The following NRXN1 variants were observed in gnomAD, a reference collection of about 807,000 sequenced individuals.
The protein encoded by NRXN1 is neurexin 1, also known as neurexin-1.
NRXN1 carries 39 observed loss-of-function variants against 150.9 expected under a neutral mutation model. The observed-to-expected ratio is 0.26, with a 90% CI of 0.20 to 0.34. The LOEUF (loss-of-function observed/expected upper bound fraction) is 0.34, where lower values mean the gene tolerates loss of function less well. Ranked by LOEUF, NRXN1 falls within the 10% of genes least tolerant of loss-of-function variation. NRXN1 has a pLI of 1.00. For missense variants in NRXN1, 1,815 were observed against 1,949.9 expected (o/e 0.93, Z 1.30); for synonymous variants, 924 against 757.0 (o/e 1.22, Z -3.62).
At chr2:49,958,796 A>T (rs1675421059) in intron 21 of NRXN1, among the ~76,000 whole-genome samples, 1 of 152,158 alleles carries the variant, frequency 6.6e-6, no homozygotes, top group East Asian at 1.9e-4. Context: ...ATGAAAGCTC[A>T]ATCTAGCTTT....
chr2:49,989,684 G>T (rs1438796498), intron 21 of NRXN1, among the ~76,000 whole-genome samples: 1 of 152,150 alleles, frequency 6.6e-6, no homozygotes, highest in Non-Finnish European at 1.5e-5. Context: ...TTCTGTACTG[G>T]ATGCTGCCAG....
intron 21 of NRXN1, among the ~76,000 whole-genome samples, chr2:49,989,691 C>A (rs1032260152): frequency 5.9e-5 from 9 of 151,990 alleles, no homozygotes; most frequent in African/African-American, 2.2e-4. Context: ...CTGGATGCTG[C>A]CAGAAAGTAG....
At chr2:50,082,069 G>T (rs184743712) in intron 19 of NRXN1, among the ~76,000 whole-genome samples, 14 of 151,934 alleles carry the variant, frequency 9.2e-5, no homozygotes, top group African/African-American at 3.4e-4. Context: ...CATTTTTTCC[G>T]GCCTTCAGTG....
chr2:49,935,375 TC>T (rs1357870600), intron 22 of NRXN1, among the ~76,000 whole-genome samples: 51 of 152,226 alleles, frequency 3.4e-4, no homozygotes, highest in African/African-American at 1.1e-3. Context: ...TATTTTTCTT[TC>T]TCCTATTTTT....
chr2:50,782,843 T>C (rs181810854), intron 5 of NRXN1, among the ~76,000 whole-genome samples: 2 of 152,200 alleles, frequency 1.3e-5, no homozygotes, highest in Admixed American at 6.6e-5. Flanking sequence ...GAAGAAAAGG[T>C]GGTGAACAAA....
chr2:50,779,208 T>C lies in NRXN1; in HGVS notation c.832+142661A>G, dbSNP rs552418791. Among the ~76,000 whole-genome samples the C allele has an allele frequency of 1.6e-4, 24 of 152,132 alleles. No individual in the cohort carries two copies. In the South Asian group the frequency reaches 5.0e-3, roughly 32 times the overall value. On this transcript the variant is annotated intron_variant, in intron 5 of 22. Coordinates refer to ENST00000401669, the MANE Select transcript of NRXN1 (RefSeq NM_001330078.2). ...CACCCTGACAGGTTCTAGTGTGTGA[T>C]GTTCCCCTCCCTGTGTCCATGTGTT...
rs543410005 is a variant in NRXN1 at position 50,608,338 on chromosome 2, T to C, written c.1320+11684A>G. Among the ~76,000 whole-genome samples, 100 of 152,226 alleles carry C rather than the reference T, an allele frequency of 6.6e-4. 1 individual carries two copies. Among genetic ancestry groups the C allele is most frequent in the African/African-American group, 2.4e-3 (98 of 41,530 alleles). On this transcript the variant is annotated intron_variant, in intron 8 of 22. Transcript: ENST00000401669. ...ATATGTATATTAAATCACTTGGGGA[T>C]CTTACTAAAATGTAGACTCTTTCAG...
chr2:50,311,924 G>A (rs2075217446), intron 17 of NRXN1, among the ~76,000 whole-genome samples: 1 of 152,016 alleles, frequency 6.6e-6, no homozygotes, highest in Non-Finnish European at 1.5e-5. Flanking sequence ...GTCATATTGA[G>A]GAATTAAGTC....
intron 18 of NRXN1, among the ~76,000 whole-genome samples, chr2:50,224,444 TA>T (rs2064165815): frequency 6.6e-6 from 1 of 151,956 alleles, no homozygotes; most frequent in Non-Finnish European, 1.5e-5. Context: ...AAGCAATCAG[TA>T]CACTCTAAAG....
intron 2 of NRXN1, among the ~76,000 whole-genome samples, chr2:50,992,208 T>C (rs558668255): frequency 6.6e-6 from 1 of 152,128 alleles, no homozygotes; most frequent in South Asian, 2.1e-4. Flanking sequence ...TGAGTTTATT[T>C]AGTATAAATT....
chr2:50,067,129 G>A (rs1695484775), intron 19 of NRXN1, among the ~76,000 whole-genome samples: 1 of 152,128 alleles, frequency 6.6e-6, no homozygotes, highest in African/African-American at 2.4e-5. Flanking sequence ...ATATTCATGT[G>A]AGACTGCTGT....
chr2:50,920,400 G>T (rs548185398), intron 5 of NRXN1, among the ~76,000 whole-genome samples: 1 of 151,698 alleles, frequency 6.6e-6, no homozygotes, highest in East Asian at 1.9e-4. Context: ...GTAGAAAATG[G>T]TTGTATAATT....
At position 49,921,206 on chromosome 2, in the gene NRXN1, AATAAC is replaced by A. The variant is rs1362009198; in HGVS notation, c.*733_*737del. The stretch of plus-strand genomic sequence containing the variant: ...AGATGGATTTTATATAAACATATGT[AATAAC>A]ATAATAAGCGTGCATGAAAATTTCC... On this transcript the variant is annotated 3_prime_UTR_variant, in exon 23 of 23. Transcript: ENST00000401669. 2 of 152,620 alleles carry A rather than the reference AATAAC, an allele frequency of 1.3e-5. No individual in the cohort carries two copies. Among genetic ancestry groups the A allele is most frequent in the African/African-American group, 4.8e-5 (2 of 41,454 alleles). The allele number at this position is 152,620 out of a possible 1,614,324, so 9.5% of individuals were successfully genotyped here. A position where few individuals can be genotyped will look rare whatever the true frequency, so the allele number is the denominator to read the frequency against.
At chr2:50,327,803 C>T (rs1415077836) in intron 17 of NRXN1, among the ~76,000 whole-genome samples, 1 of 152,030 alleles carries the variant, frequency 6.6e-6, no homozygotes, top group African/African-American at 2.4e-5. Context: ...GCATGAGCCA[C>T]CTTGCCTGGC....
chr2:50,065,610 A>G (rs1695235070), intron 19 of NRXN1, among the ~76,000 whole-genome samples: 1 of 152,188 alleles, frequency 6.6e-6, no homozygotes, highest in African/African-American at 2.4e-5. Context: ...AGTGAAGCAG[A>G]GGTAAGTAAA....
chr2:50,686,145 C>G (rs201457459), intron 5 of NRXN1, among the ~76,000 whole-genome samples: 1 of 152,120 alleles, frequency 6.6e-6, no homozygotes, highest in East Asian at 1.9e-4. Context: ...AAAAAACAAA[C>G]AAAGAAACAA....
intron 5 of NRXN1, among the ~76,000 whole-genome samples, chr2:50,900,810 T>C (rs1185051486): frequency 6.6e-6 from 1 of 152,082 alleles, no homozygotes; most frequent in African/African-American, 2.4e-5. Context: ...GCAGGAATGA[T>C]GTAATGCAAG....
intron 11 of NRXN1, among the ~76,000 whole-genome samples, chr2:50,529,326 G>T (rs2093038552): frequency 1.3e-5 from 2 of 152,164 alleles, no homozygotes; most frequent in Non-Finnish European, 2.9e-5. Flanking sequence ...ACAAGCCTAT[G>T]CCTCTCTTAG....
intron 2 of NRXN1, among the ~76,000 whole-genome samples, chr2:50,945,943 T>C (rs544215331): frequency 4.7e-5 from 7 of 149,204 alleles, no homozygotes; most frequent in African/African-American, 1.7e-4. Flanking sequence ...TAAAGTATTA[T>C]TATTATTATT....
Sources: gnomAD v4.1 joint callset for allele counts (sites outside exome capture counted in the v4.1 genomes callset) on GRCh38, gnomAD v4.1.1 for gene constraint, MANE v1.5 for transcripts, NCBI Gene and HGNC (gene_info 2026-07-23, HGNC 2026-07-21) for gene names.